Variants in AR observed in about 807,000 individuals in gnomAD.
AR encodes dihydrotestosterone receptor.
A neutral mutation model predicts 53.9 loss-of-function variants in AR; 8 were observed. The observed-to-expected ratio is 0.15, with a 90% CI of 0.09 to 0.27. The LOEUF is 0.27. AR is among the 10% of genes least tolerant of loss of function. The probability of loss-of-function intolerance (pLI) is 1.00; values close to 1 mark genes in which losing one functional copy is unlikely to be tolerated. For missense variants in AR, 639 were observed against 742.5 expected (o/e 0.86, Z 1.62); for synonymous variants, 359 against 316.4 (o/e 1.13, Z -1.43).
intron 2 of AR, among the ~76,000 whole-genome samples, chrX:67,671,025 C>G (rs970697835): frequency 1.8e-5 from 2 of 111,696 alleles, no homozygotes; most frequent in Admixed American, 9.5e-5. Flanking sequence ...TGGTTGGTTC[C>G]AAGTCTTTGC....
chrX:67,706,199 T>A (rs1441616723), intron 3 of AR, among the ~76,000 whole-genome samples: 6 of 111,889 alleles, frequency 5.4e-5, no homozygotes, highest in African/African-American at 2.0e-4. Flanking sequence ...TTCTAGTGAT[T>A]GGAATGGTTT....
rs967322082 is a variant in AR at position 67,626,833 on chromosome X, A to G, written c.1617-16423A>G. ...GTGTGATGTTCCCCTTCCTCTGTCC[A>G]TGTGTTCTCATTGTTCAATTCCCAC... On this transcript the variant is annotated intron_variant, in intron 1 of 7. Transcript: ENST00000374690. Among the ~76,000 whole-genome samples, 643 of 80,766 alleles carry G rather than the reference A, an allele frequency of 8.0e-3. 5 individuals are homozygous for G. Among genetic ancestry groups the G allele is most frequent in the African/African-American group, 0.029 (607 of 20,735 alleles). The allele number at this position is 80,766 out of a possible 115,157, so 70.1% of individuals were successfully genotyped here. A position where few individuals can be genotyped will look rare whatever the true frequency, so the allele number is the denominator to read the frequency against.
At position 67,630,560 on chromosome X, in the gene AR, T is replaced by C. The variant is rs1925024743; in HGVS notation, c.1617-12696T>C. Reference sequence around the variant, plus strand: ...CTGCATATGAGATGGGTTTCCTGAATACAGCACACTGATGGGTCTTGACTC... The same window carrying C: ...CTGCATATGAGATGGGTTTCCTGAACACAGCACACTGATGGGTCTTGACTC... On this transcript the variant is annotated intron_variant, in intron 1 of 7. Transcript: ENST00000374690. Among the ~76,000 whole-genome samples the C allele has an allele frequency of 2.7e-5, 3 of 111,438 alleles. No homozygotes were observed. The South Asian group carries it at 1.2e-3, about 43-fold the overall frequency.
chrX:67,694,754 G>C (rs753752854), intron 3 of AR: 15 of 1,149,742 alleles, frequency 1.3e-5, no homozygotes, highest in Non-Finnish European at 1.5e-5. Context: ...TCAAAATGAG[G>C]GCTCTAGAGG....
chrX:67,565,470 G>A (rs1229782928), intron 1 of AR, among the ~76,000 whole-genome samples: 1 of 111,762 alleles, frequency 8.9e-6, no homozygotes, highest in Non-Finnish European at 1.9e-5. Flanking sequence ...GGAGTGGAAC[G>A]AATGAGCATG....
At chrX:67,634,420 G>T (rs997407437) in intron 1 of AR, among the ~76,000 whole-genome samples, 5 of 111,703 alleles carry the variant, frequency 4.5e-5, no homozygotes, top group Admixed American at 3.8e-4. Context: ...CCTCACTGCA[G>T]TCTTGTGGGA....
chrX:67,653,768 G>T (rs1387861255), intron 2 of AR, among the ~76,000 whole-genome samples: 2 of 110,873 alleles, frequency 1.8e-5, no homozygotes, highest in African/African-American at 3.3e-5. Context: ...AAAAGCACCA[G>T]ATTGGGGCTC....
At chrX:67,619,918 A>G (rs565298762) in intron 1 of AR, among the ~76,000 whole-genome samples, 1 of 110,843 alleles carries the variant, frequency 9.0e-6, no homozygotes, top group South Asian at 4.0e-4. Flanking sequence ...GTTTAAGGCT[A>G]ATACCTTGCC....
intron 2 of AR, among the ~76,000 whole-genome samples, chrX:67,663,973 G>A (rs1227441727): frequency 1.5e-4 from 17 of 111,766 alleles, no homozygotes; most frequent in Middle Eastern, 9.3e-3. Flanking sequence ...AGCTCCATCA[G>A]GTCCTTTAAG....
In AR at chrX:67,723,931, GCC is replaced by G; in HGVS notation, c.*91_*92del. 4.6e-6 allele frequency: 5 copies of G among 1,096,786 alleles called. No homozygotes were observed. Among genetic ancestry groups the G allele is most frequent in the Non-Finnish European group, 6.2e-6 (5 of 801,825 alleles). The allele number at this position is 1,096,786 out of a possible 1,213,427, so 90.4% of individuals were successfully genotyped here. A position where few individuals can be genotyped will look rare whatever the true frequency, so the allele number is the denominator to read the frequency against. On this transcript the variant is annotated 3_prime_UTR_variant, in exon 8 of 8. Transcript: ENST00000374690. ...TAACTCTGCACTACTCCTCTGCAGT[GCC>G]TTGGGGAATTTCCTCTATTGATGTA... is the stretch of plus-strand genomic sequence containing the variant.
chrX:67,554,781 C>CA (rs1175351532), intron 1 of AR, among the ~76,000 whole-genome samples: 1 of 109,788 alleles, frequency 9.1e-6, no homozygotes, highest in African/African-American at 3.3e-5. Flanking sequence ...ACTAAAAATA[C>CA]AAAAATTATC....
intron 1 of AR, among the ~76,000 whole-genome samples, chrX:67,597,484 T>C (rs1323180601): frequency 2.7e-5 from 3 of 112,049 alleles, no homozygotes; most frequent in South Asian, 7.5e-4. Flanking sequence ...AGCATACTTA[T>C]AATCCTGGGA....
chrX:67,651,704 A>G (rs970408864), intron 2 of AR, among the ~76,000 whole-genome samples: 8 of 111,929 alleles, frequency 7.1e-5, no homozygotes, highest in Admixed American at 6.7e-4. Context: ...AGAAACCACC[A>G]AGTATCGCTA....
chrX:67,546,035 G>T lies in AR; in HGVS notation c.889G>T (p.Asp297Tyr), dbSNP rs749006575. 2.5e-6 allele frequency: 3 copies of T among 1,212,245 alleles called. No individual in the cohort carries two copies. In the East Asian group the frequency reaches 8.9e-5, roughly 36 times the overall value. ...CGAATGCAAAGGTTCTCTGCTAGAC[G>T]ACAGCGCAGGCAAGAGCACTGAAGA... ...LAECKGSLLD[D>Y]SAGKSTEDTA... The change falls in exon 1 of 8, where the codon GAC becomes TAC. Residue 297 changes from aspartate to tyrosine, a missense_variant. Coordinates refer to ENST00000374690, the MANE Select transcript of AR (RefSeq NM_000044.6).
At chrX:67,591,363 A>G (rs1922822398) in intron 1 of AR, among the ~76,000 whole-genome samples, 1 of 111,685 alleles carries the variant, frequency 9.0e-6, no homozygotes, top group African/African-American at 3.3e-5. Context: ...GCATAGAGAG[A>G]AAAAGGAGTT....
At position 67,581,900 on chromosome X, in the gene AR, C is replaced by T. The variant is rs145218969; in HGVS notation, c.1616+35138C>T. Among the ~76,000 whole-genome samples the T allele has an allele frequency of 6.9e-3, 773 of 111,364 alleles. 5 individuals carry two copies. The highest frequency in any genetic ancestry group is 0.024 in the African/African-American group (741 of 30,723). On this transcript the variant is annotated intron_variant, in intron 1 of 7. Coordinates refer to ENST00000374690, the MANE Select transcript of AR (RefSeq NM_000044.6). ...CTAGGAAGGGAGAATGTGAAGGATA[C>T]AGTTCTCAGTTACTGGAATGAGTGC...
intron 1 of AR, among the ~76,000 whole-genome samples, chrX:67,635,136 T>G (rs1925368374): frequency 9.0e-6 from 1 of 110,613 alleles, no homozygotes; most frequent in South Asian, 3.8e-4. Flanking sequence ...ATTAGATATT[T>G]CATTTTCTTA....
At chrX:67,658,817 T>A (rs1677009271) in intron 2 of AR, among the ~76,000 whole-genome samples, 1 of 111,873 alleles carries the variant, frequency 8.9e-6, no homozygotes, top group Non-Finnish European at 1.9e-5. Context: ...CATGGGAGAT[T>A]CAGTATATAC....
intron 2 of AR, among the ~76,000 whole-genome samples, chrX:67,682,576 C>G (rs778329002): frequency 8.9e-6 from 1 of 111,735 alleles, no homozygotes; most frequent in South Asian, 3.8e-4. Flanking sequence ...CAGGAGTGAG[C>G]CACTGCACCT....
Sources: gnomAD v4.1 joint callset for allele counts (sites outside exome capture counted in the v4.1 genomes callset) on GRCh38, gnomAD v4.1.1 for gene constraint, MANE v1.5 for transcripts, NCBI Gene and HGNC (gene_info 2026-07-23, HGNC 2026-07-21) for gene names.